The following SERPINI1 variants were observed in gnomAD, a reference collection of about 807,000 sequenced individuals.
SERPINI1 encodes serpin family I member 1.
Under a neutral mutation model 41.1 loss-of-function variants are expected in SERPINI1, and 19 were observed. The observed-to-expected ratio is 0.46, with a 90% confidence interval of 0.32 to 0.68. The LOEUF is 0.68. SERPINI1 is among the 30% of genes least tolerant of loss of function. The probability of loss-of-function intolerance (pLI) is 0.03; values close to 1 mark genes in which losing one functional copy is unlikely to be tolerated. For synonymous variants in SERPINI1, 138 were observed against 156.6 expected (o/e 0.88, Z 0.89); for missense variants, 460 against 479.2 (o/e 0.96, Z 0.37).
chr3:167,778,839 A>C (rs542748318), intron 1 of SERPINI1, among the ~76,000 whole-genome samples: 1 of 152,324 alleles, frequency 6.6e-6, no homozygotes, highest in Non-Finnish European at 1.5e-5. Context: ...CATTGCTTTA[A>C]AGTTAAGCCA....
At chr3:167,813,130 C>T (rs540742517) in intron 6 of SERPINI1, among the ~76,000 whole-genome samples, 17 of 152,334 alleles carry the variant, frequency 1.1e-4, no homozygotes, top group Middle Eastern at 3.4e-3. Context: ...TACTCTTACC[C>T]TCTGCCCTTG....
At chr3:167,805,483 G>A (rs1165192800) in intron 5 of SERPINI1, among the ~76,000 whole-genome samples, 1 of 152,164 alleles carries the variant, frequency 6.6e-6, no homozygotes, top group African/African-American at 2.4e-5. Flanking sequence ...CTCCCATTCT[G>A]TAGGCTGCTT....
chr3:167,789,583 T>A lies in SERPINI1; in HGVS notation c.250+205T>A, dbSNP rs190599572. On this transcript the variant is annotated intron_variant, in intron 2 of 8. Coordinates refer to ENST00000446050, the MANE Select transcript of SERPINI1 (RefSeq NM_001122752.2). ...GCTGAATGAATCTAAGGAAATTACA[T>A]CTTTTAAAAATTATTATGATTTACA... Among the ~76,000 whole-genome samples, 220 of 152,318 alleles carry A rather than the reference T, an allele frequency of 1.4e-3. 6 individuals are homozygous for A. Among genetic ancestry groups the A allele is most frequent in the Admixed American group, 0.012 (187 of 15,300 alleles).
chr3:167,748,561 A>T (rs1337691657), intron 1 of SERPINI1, among the ~76,000 whole-genome samples: 1 of 152,222 alleles, frequency 6.6e-6, no homozygotes, highest in Non-Finnish European at 1.5e-5. Flanking sequence ...GTCATGCAAC[A>T]TTAAAAATAA....
chr3:167,770,036 T>C (rs1726696075), intron 1 of SERPINI1, among the ~76,000 whole-genome samples: 1 of 151,580 alleles, frequency 6.6e-6, no homozygotes, highest in Admixed American at 6.6e-5. Flanking sequence ...TACTTTTTTT[T>C]TTTTTAATGA....
chr3:167,814,104 A>G (rs928282809), intron 6 of SERPINI1, among the ~76,000 whole-genome samples: 1 of 152,170 alleles, frequency 6.6e-6, no homozygotes, highest in Non-Finnish European at 1.5e-5. Flanking sequence ...TGCCCCAGTC[A>G]CTAACCAACA....
chr3:167,807,726 T>C (rs1577429911), intron 6 of SERPINI1, among the ~76,000 whole-genome samples: 1 of 152,090 alleles, frequency 6.6e-6, no homozygotes, highest in South Asian at 2.1e-4. Flanking sequence ...GATAAATGAG[T>C]GACTGCTGTG....
chr3:167,762,482 T>A (rs1726420120), intron 1 of SERPINI1, among the ~76,000 whole-genome samples: 1 of 152,192 alleles, frequency 6.6e-6, no homozygotes, highest in Non-Finnish European at 1.5e-5. Flanking sequence ...TTCCCCATTC[T>A]TCCTTAACTC....
intron 1 of SERPINI1, among the ~76,000 whole-genome samples, chr3:167,780,482 A>G (rs560164702): frequency 6.6e-6 from 1 of 152,320 alleles, no homozygotes; most frequent in East Asian, 1.9e-4. Flanking sequence ...ACTGTGATCT[A>G]TTCTGTAAGA....
In SERPINI1 at chr3:167,739,610, A is replaced by G. The variant is rs76757019; in HGVS notation, c.-19+3787A>G. Among the ~76,000 whole-genome samples, 1,274 of 152,316 alleles carry G rather than the reference A, an allele frequency of 8.4e-3. 100 individuals carry two copies. In the East Asian group the frequency reaches 0.18, roughly 21 times the overall value. On this transcript the variant is annotated intron_variant, in intron 1 of 8. Transcript: ENST00000446050. ...CTTAATTTCACAGACAGAAAAACCC[A>G]GGGCTCAACCACCATTTAACCTCAA...
At chr3:167,755,750 C>T (rs978155473) in intron 1 of SERPINI1, among the ~76,000 whole-genome samples, 2 of 150,140 alleles carry the variant, frequency 1.3e-5, no homozygotes, top group Non-Finnish European at 3.0e-5. Context: ...CTTTGTAAAC[C>T]TAAAGCCTAT....
chr3:167,812,304 G>C (rs1421144022), intron 6 of SERPINI1, among the ~76,000 whole-genome samples: 1 of 152,202 alleles, frequency 6.6e-6, no homozygotes, highest in Non-Finnish European at 1.5e-5. Flanking sequence ...CTGCTCAGCA[G>C]GGCATTGAGA....
At chr3:167,743,063 G>A (rs985439177) in intron 1 of SERPINI1, among the ~76,000 whole-genome samples, 1 of 151,984 alleles carries the variant, frequency 6.6e-6, no homozygotes, top group African/African-American at 2.4e-5. Context: ...TAATAAATCT[G>A]CTTTAAATCT....
intron 6 of SERPINI1, among the ~76,000 whole-genome samples, chr3:167,818,321 C>G (rs1712191289): frequency 6.6e-6 from 1 of 152,158 alleles, no homozygotes; most frequent in African/African-American, 2.4e-5. Context: ...AGCCACCGCG[C>G]CCGGCCAAAT....
intron 1 of SERPINI1, among the ~76,000 whole-genome samples, chr3:167,757,159 T>C (rs1393694924): frequency 6.6e-6 from 1 of 152,192 alleles, no homozygotes; most frequent in Non-Finnish European, 1.5e-5. Context: ...ATCTGAAAGA[T>C]CAAAGACCAA....
chr3:167,770,899 T>G (rs1196544087), intron 1 of SERPINI1, among the ~76,000 whole-genome samples: 3 of 152,224 alleles, frequency 2.0e-5, no homozygotes, highest in Admixed American at 6.5e-5. Flanking sequence ...TCCCACCATC[T>G]GGACCTTGCT....
At chr3:167,803,186 T>C (rs1438013568) in intron 5 of SERPINI1, among the ~76,000 whole-genome samples, 2 of 151,462 alleles carry the variant, frequency 1.3e-5, no homozygotes, top group Non-Finnish European at 2.9e-5. Flanking sequence ...AGATGACGAG[T>C]TAGTGGGTGC....
chr3:167,743,248 A>G (rs1410981053), intron 1 of SERPINI1, among the ~76,000 whole-genome samples: 3 of 152,152 alleles, frequency 2.0e-5, no homozygotes, highest in Non-Finnish European at 4.4e-5. Context: ...TTATTACCCT[A>G]GAAAATGGTG....
chr3:167,786,572 C>T (rs1349458417), intron 1 of SERPINI1, among the ~76,000 whole-genome samples: 1 of 148,284 alleles, frequency 6.7e-6, no homozygotes, highest in Non-Finnish European at 1.5e-5. Flanking sequence ...AGGACACTTA[C>T]TATGAATGGA....
Sources: gnomAD v4.1 joint callset for allele counts (sites outside exome capture counted in the v4.1 genomes callset) on GRCh38, gnomAD v4.1.1 for gene constraint, MANE v1.5 for transcripts, NCBI Gene and HGNC (gene_info 2026-07-23, HGNC 2026-07-21) for gene names.